Variants in KIAA2012 observed in about 807,000 individuals in gnomAD.
KIAA2012 encodes uncharacterized protein KIAA2012.
A neutral mutation model predicts 150.6 loss-of-function variants in KIAA2012; 125 were observed. The observed-to-expected ratio is 0.83, with a 90% CI of 0.72 to 0.96. The LOEUF (loss-of-function observed/expected upper bound fraction) is 0.96, where lower values mean the gene tolerates loss of function less well. Ranked by LOEUF, KIAA2012 falls within the 40% of genes least tolerant of loss-of-function variation. KIAA2012 has a pLI of 0.00. For missense variants in KIAA2012, 1,219 were observed against 1,354.9 expected (o/e 0.90, Z 1.57); for synonymous variants, 462 against 504.7 (o/e 0.92, Z 1.13).
rs537985788 is a variant in KIAA2012, at chr2:202,194,209, CAAG to C, written c.3040_3042del (p.Glu1014del). The C allele has an allele frequency of 4.2e-4, 652 of 1,550,600 alleles. 2 individuals are homozygous for C. In the African/African-American group the frequency reaches 7.8e-3, roughly 19 times the overall value. On this transcript the variant is annotated inframe_deletion, in exon 21 of 24. Transcript: ENST00000498697. Reference sequence around the variant, plus strand: ...TCTCAGCTTGAGGAAACAGAGACTCCAAGAAGAACAGCAGCGGCAGGAGGAGGA... The same window carrying C: ...TCTCAGCTTGAGGAAACAGAGACTCCAAGAACAGCAGCGGCAGGAGGAGGA...
chr2:202,123,544 C>T (rs1690706819), intron 11 of KIAA2012, among the ~76,000 whole-genome samples: 1 of 152,158 alleles, frequency 6.6e-6, no homozygotes, highest in South Asian at 2.1e-4. Context: ...GCGCACGTGA[C>T]CGTGTGTGTG....
intron 15 of KIAA2012, among the ~76,000 whole-genome samples, chr2:202,182,726 T>A (rs1368013236): frequency 1.3e-5 from 2 of 152,182 alleles, no homozygotes; most frequent in Admixed American, 1.3e-4. Context: ...TATATTTAAC[T>A]TTTTTAAAAA....
chr2:202,132,773 TAC>T (rs1207701659), intron 12 of KIAA2012, among the ~76,000 whole-genome samples: 7 of 49,446 alleles, frequency 1.4e-4, no homozygotes, highest in South Asian at 5.6e-4. Flanking sequence ...TATACATATA[TAC>T]ATATATATAT....
At position 202,165,280 on chromosome 2, in the gene KIAA2012, A is replaced by G; in HGVS notation, c.2047-4A>G. The stretch of plus-strand genomic sequence containing the variant: ...GTATTCTTTGTTGTGTGTTAACCCA[A>G]TAGGAAAGTGGAAATGCACTGGACT... On this transcript the variant is annotated splice_region_variant and splice_polypyrimidine_tract_variant and intron_variant, in intron 14 of 23. Coordinates refer to ENST00000498697, the MANE Select transcript of KIAA2012 (RefSeq NM_001277372.4). 1.3e-6 allele frequency: 2 copies of G among 1,550,104 alleles called. No individual in the cohort carries two copies. Among genetic ancestry groups the G allele is most frequent in the Non-Finnish European group, 1.7e-6 (2 of 1,146,600 alleles).
chr2:202,107,239 A>G (rs575475885), intron 9 of KIAA2012, among the ~76,000 whole-genome samples: 1 of 59,490 alleles, frequency 1.7e-5, no homozygotes, highest in East Asian at 2.6e-4. Flanking sequence ...ATACCAAAAA[A>G]AAAATAAAAA....
At chr2:202,102,858 G>A (rs767404789) in intron 7 of KIAA2012, 88 bp from the exon 8 acceptor site, 1 of 1,252,860 alleles carries the variant, frequency 8.0e-7, no homozygotes, top group Non-Finnish European at 1.1e-6. Flanking sequence ...TGGTGCAAGA[G>A]ATACAATAAG....
At position 202,105,825 on chromosome 2, in the gene KIAA2012, C is replaced by T. The variant is rs1432133928; in HGVS notation, c.1389C>T (p.Pro463=). The change falls in exon 9 of 24, where the codon CCC becomes CCT. Residue 463 remains proline, a synonymous_variant. Coordinates refer to ENST00000498697, the MANE Select transcript of KIAA2012 (RefSeq NM_001277372.4). ...AATCCACACCTGTGTGGAGACCTCC[C>T]CTGAAGCATGCGTCCTTAGAAACAC... ...SEESTPVWRP[P]LKHASLETPW... 2 of 1,550,706 alleles carry T rather than the reference C, an allele frequency of 1.3e-6. No homozygotes were observed. The highest frequency in any genetic ancestry group is 3.9e-5 in the Admixed American group (2 of 51,008).
In KIAA2012 at chr2:202,184,833, G is replaced by A. The variant is rs1382574815; in HGVS notation, c.2200G>A (p.Val734Met). ...EHIQTPEADI[V>M]QKVGRDYDVH... Reference sequence around the variant, plus strand: ...CATCCAGACCCCAGAAGCAGATATTGTGCAAAAAGTGTAAGTGTTCAAAGT... The same window carrying A: ...CATCCAGACCCCAGAAGCAGATATTATGCAAAAAGTGTAAGTGTTCAAAGT... Residue 734 changes from valine (V) to methionine (M), a missense_variant, in exon 16 of 24, where the codon GTG (valine) becomes ATG (methionine). Coordinates refer to ENST00000498697, the MANE Select transcript of KIAA2012 (RefSeq NM_001277372.4). 1 of 1,547,380 alleles carries A rather than the reference G, an allele frequency of 6.5e-7. No individual in the cohort carries two copies. The highest frequency in any genetic ancestry group is 8.7e-7 in the Non-Finnish European group (1 of 1,145,788).
At chr2:202,081,407 AT>A (rs1689448626) in intron 2 of KIAA2012, among the ~76,000 whole-genome samples, 1 of 152,102 alleles carries the variant, frequency 6.6e-6, no homozygotes, top group Non-Finnish European at 1.5e-5. Context: ...TCTATTTTTA[AT>A]TCTTTGAGGA....
intron 19 of KIAA2012, among the ~76,000 whole-genome samples, chr2:202,191,556 A>AAAAAAAAG: frequency 1.3e-5 from 2 of 150,732 alleles, no homozygotes; most frequent in East Asian, 3.9e-4. Flanking sequence ...CTCTAACCAA[A>AAAAAAAAG]AAAAAAAAGA....
At chr2:202,187,366 G>A (rs149511178) in intron 17 of KIAA2012, among the ~76,000 whole-genome samples, 5,366 of 152,008 alleles carry the variant, frequency 0.035, 312 homozygotes, top group African/African-American at 0.12. Context: ...GTGCAGTGGC[G>A]CGGTCTCGGC....
chr2:202,179,999 C>A, intron 15 of KIAA2012: 1 of 582,264 alleles, frequency 1.7e-6, no homozygotes, highest in Non-Finnish European at 3.2e-6. Flanking sequence ...CGGGTGGGCG[C>A]GGTGGCTCAT....
intron 22 of KIAA2012, among the ~76,000 whole-genome samples, chr2:202,200,563 G>T (rs1165329373): frequency 6.6e-6 from 1 of 152,074 alleles, no homozygotes; most frequent in East Asian, 1.9e-4. Flanking sequence ...CTGGCGGGAG[G>T]AAATGGAAGA....
intron 3 of KIAA2012, among the ~76,000 whole-genome samples, chr2:202,092,180 A>G (rs1042761497): frequency 2.0e-5 from 3 of 152,186 alleles, no homozygotes; most frequent in Non-Finnish European, 2.9e-5. Context: ...AGATACACAC[A>G]CACATGCATT....
At chr2:202,107,245 A>T (rs200945127) in intron 9 of KIAA2012, among the ~76,000 whole-genome samples, 63 of 8,914 alleles carry the variant, frequency 7.1e-3, no homozygotes, top group African/African-American at 0.026. Context: ...AAAAAAAAAT[A>T]AAAAAAGAAT....
chr2:202,188,364 C>G, intron 18 of KIAA2012, 98 bp downstream of exon 18: 1 of 966,328 alleles, frequency 1.0e-6, no homozygotes, highest in Non-Finnish European at 1.5e-6. Context: ...CGGACAAACT[C>G]TCTGTTTTGA....
chr2:202,091,672 C>A (rs12986494), intron 3 of KIAA2012, among the ~76,000 whole-genome samples: 30,678 of 152,134 alleles, frequency 0.2, 4,064 homozygotes, highest in Non-Finnish European at 0.29. Context: ...AAAAAAAATT[C>A]ATTGTTTATC....
At chr2:202,078,560 A>C (rs1243250859) in intron 2 of KIAA2012, among the ~76,000 whole-genome samples, 1 of 152,122 alleles carries the variant, frequency 6.6e-6, no homozygotes, top group Non-Finnish European at 1.5e-5. Context: ...AAGTGCTGGG[A>C]TTACAGGTGT....
chr2:202,169,315 G>C (rs1559227034), intron 15 of KIAA2012, among the ~76,000 whole-genome samples: 1 of 152,196 alleles, frequency 6.6e-6, no homozygotes, highest in Non-Finnish European at 1.5e-5. Context: ...AGGCCTCACA[G>C]TGAAGACTTC....
Sources: allele counts gnomAD v4.1 joint callset (sites outside exome capture counted in the v4.1 genomes callset), GRCh38; gene constraint gnomAD v4.1.1; transcripts MANE v1.5; gene names NCBI Gene and HGNC (gene_info 2026-07-23, HGNC 2026-07-21).